The following CLDN14 variants were observed in gnomAD, a reference collection of about 807,000 sequenced individuals.
CLDN14 encodes the protein claudin-14.
Under a neutral mutation model 2.1 loss-of-function variants are expected in CLDN14, and 2 were observed. The observed-to-expected ratio is 0.96, with a 90% CI of 0.39 to 3.01. The LOEUF is 3.01. Ranked by LOEUF, CLDN14 falls within the 30% of genes most tolerant of loss-of-function variation. CLDN14 has a pLI of 0.09. For missense variants in CLDN14, 298 were observed against 328.0 expected (o/e 0.91, Z 0.71); for synonymous variants, 136 against 154.4 (o/e 0.88, Z 0.88).
intron 1 of CLDN14, among the ~76,000 whole-genome samples, chr21:36,523,792 A>AG (rs1491322086): frequency 0.046 from 2,864 of 62,474 alleles, 371 homozygotes; most frequent in Non-Finnish European, 0.066. Flanking sequence ...AGAAAGAAAG[A>AG]AAGAAAGAAA....
chr21:36,470,223 A>C (rs1185470236), intron 1 of CLDN14, among the ~76,000 whole-genome samples: 1 of 152,162 alleles, frequency 6.6e-6, no homozygotes, highest in Non-Finnish European at 1.5e-5. Flanking sequence ...CCCTGCTCCC[A>C]GTGCCTCAGA....
At position 36,486,856 on chromosome 21, in the gene CLDN14, T is replaced by C. The variant is rs577837415; in HGVS notation, c.-82+23507A>G. 1.2e-4 allele frequency: 87 copies of C among 720,634 alleles called. No individual in the cohort carries two copies. The African/African-American group carries it at 1.3e-3, about 11-fold the overall frequency. 44.6% of individuals were successfully genotyped at this position (720,634 alleles called of 1,614,324 possible). The stretch of plus-strand genomic sequence containing the variant: ...GCCAGTGTAGAAGGTGATCTTGCCC[T>C]TGGGTTGGACGGTGTGTAGCTTGGA... On this transcript the variant is annotated intron_variant, in intron 2 of 2. Transcript: ENST00000342108.
At chr21:36,525,214 G>A (rs1001540072) in intron 1 of CLDN14, among the ~76,000 whole-genome samples, 2 of 152,060 alleles carry the variant, frequency 1.3e-5, no homozygotes, top group African/African-American at 2.4e-5. Context: ...TCAAGAATGC[G>A]TGGTCTCGTG....
chr21:36,506,421 G>C (rs940440665), intron 2 of CLDN14, among the ~76,000 whole-genome samples: 1 of 151,894 alleles, frequency 6.6e-6, no homozygotes, highest in African/African-American at 2.4e-5. Flanking sequence ...GCATGGCAAA[G>C]CCCCATCTGT....
intron 1 of CLDN14, among the ~76,000 whole-genome samples, chr21:36,468,762 TC>T (rs1568844076): frequency 6.6e-5 from 10 of 150,888 alleles, no homozygotes; most frequent in African/African-American, 1.7e-4. Context: ...TTTCTTTCTT[TC>T]TTTCTTTTTT....
intron 1 of CLDN14, among the ~76,000 whole-genome samples, chr21:36,549,136 A>G (rs1272227693): frequency 2.0e-5 from 3 of 151,116 alleles, no homozygotes; most frequent in Non-Finnish European, 4.4e-5. Context: ...CAGACGATTC[A>G]TAGCTGGTGT....
At chr21:36,480,699 G>T (rs1296525495), upstream of CLDN14, 1 of 152,200 alleles carries the variant, frequency 6.6e-6, no homozygotes, top group Non-Finnish European at 1.5e-5. Flanking sequence ...GAATTGAGAA[G>T]TGTGCTGAGA....
chr21:36,486,155 TTGGC>T, intron 2 of CLDN14: 1 of 1,261,250 alleles, frequency 7.9e-7, no homozygotes, highest in Non-Finnish European at 1.2e-6. Context: ...ATCCTCCTCC[TTGGC>T]TGGCTGGCAA....
At chr21:36,508,384 A>T (rs769122038) in intron 2 of CLDN14, among the ~76,000 whole-genome samples, 2 of 152,234 alleles carry the variant, frequency 1.3e-5, no homozygotes, top group East Asian at 3.8e-4. Context: ...GTTTAAGGAC[A>T]GGTGGAAATC....
rs991231875 is a variant in CLDN14, at chr21:36,544,651, G to T, written c.-220+31760C>A. Among the ~76,000 whole-genome samples the T allele has an allele frequency of 6.6e-5, 10 of 152,190 alleles. No homozygotes were observed. The highest frequency in any genetic ancestry group is 1.3e-4 in the Non-Finnish European group (9 of 68,034). On this transcript the variant is annotated intron_variant, in intron 1 of 2. Transcript: ENST00000342108. The surrounding 1 kb of genome is among the most constrained non-coding windows in gnomAD (Gnocchi z 4.1). ...TCTCTGTATTTTATCCAAATATGCC[G>T]TGGACTTTGAAATGAACTCTTTACA...
intron 1 of CLDN14, among the ~76,000 whole-genome samples, chr21:36,515,686 A>G (rs1254567007): frequency 6.6e-6 from 1 of 151,716 alleles, no homozygotes; most frequent in Non-Finnish European, 1.5e-5. Flanking sequence ...AAAAAAAAAA[A>G]AAATTTCTAC....
At position 36,498,123 on chromosome 21, in the gene CLDN14, C is replaced by T. The variant is rs919407238; in HGVS notation, c.-82+12240G>A. Among the ~76,000 whole-genome samples the T allele has an allele frequency of 6.6e-6, 1 of 151,950 alleles. No individual in the cohort carries two copies. Among genetic ancestry groups the T allele is most frequent in the Non-Finnish European group, 1.5e-5 (1 of 68,036 alleles). ...TCAAGCGATTCTCCTGTCTCAGCCTCATGAGTAGCTGGGATTACAGGCACC... is the reference window on the plus strand; with the variant it reads ...TCAAGCGATTCTCCTGTCTCAGCCTTATGAGTAGCTGGGATTACAGGCACC... On this transcript the variant is annotated intron_variant, in intron 2 of 2. Coordinates refer to the CLDN14 transcript ENST00000342108. The surrounding 1 kb of genome is among the most constrained non-coding windows in gnomAD (Gnocchi z 4.9).
At chr21:36,479,080 C>T (rs1432405571) in intron 1 of CLDN14, among the ~76,000 whole-genome samples, 1 of 152,094 alleles carries the variant, frequency 6.6e-6, no homozygotes, top group African/African-American at 2.4e-5. Flanking sequence ...GTCTGCCTGG[C>T]CCTCTTTGCA....
intron 1 of CLDN14, among the ~76,000 whole-genome samples, chr21:36,539,533 A>ATGTGGAGTGTG (rs1021929583): frequency 8.1e-6 from 1 of 123,596 alleles, no homozygotes; most frequent in African/African-American, 3.2e-5. Flanking sequence ...GAGTGAGTGT[A>ATGTGGAGTGTG]TGTGGAGTGT....
chr21:36,475,703 A>G (rs2086769781), intron 1 of CLDN14, among the ~76,000 whole-genome samples: 1 of 152,186 alleles, frequency 6.6e-6, no homozygotes, highest in Admixed American at 6.5e-5. Context: ...GGTGTGAGCC[A>G]CTGCACCCAG....
intron 1 of CLDN14, among the ~76,000 whole-genome samples, chr21:36,535,916 G>A (rs2087420976): frequency 6.6e-6 from 1 of 152,220 alleles, no homozygotes; most frequent in South Asian, 2.1e-4. Flanking sequence ...GGGACTGACA[G>A]GAGGCAAAGT....
chr21:36,554,511 G>A (rs1174901327), intron 1 of CLDN14, among the ~76,000 whole-genome samples: 2 of 152,158 alleles, frequency 1.3e-5, no homozygotes, highest in African/African-American at 4.8e-5. Context: ...CGCCTTGTTG[G>A]GAGTGTTTCA....
At chr21:36,559,997 A>G (rs1263916562) in intron 1 of CLDN14, among the ~76,000 whole-genome samples, 1 of 152,224 alleles carries the variant, frequency 6.6e-6, no homozygotes, top group Non-Finnish European at 1.5e-5. Context: ...AATATCAAGG[A>G]GGCAGGAACG....
At chr21:36,550,836 CA>C (rs1278566106) in intron 1 of CLDN14, among the ~76,000 whole-genome samples, 1 of 152,236 alleles carries the variant, frequency 6.6e-6, no homozygotes. Flanking sequence ...GAGATGGTAG[CA>C]GGTTGAGGAG....
Sources: allele counts gnomAD v4.1 joint callset (sites outside exome capture counted in the v4.1 genomes callset), GRCh38; gene constraint gnomAD v4.1.1; non-coding constraint Gnocchi (gnomAD v3.1); transcripts MANE v1.5; gene names NCBI Gene and HGNC (gene_info 2026-07-23, HGNC 2026-07-21).